SLC1A2: variants seen among roughly 807,000 people sequenced by gnomAD.
SLC1A2 encodes the protein solute carrier family 1 member 2, also known as excitatory amino acid transporter 2.
In SLC1A2, 15 loss-of-function variants were observed where a neutral mutation model predicts 48.8. That is an observed-to-expected ratio of 0.31 (90% CI 0.21 to 0.47). The LOEUF (loss-of-function observed/expected upper bound fraction) is 0.47. Among genes scored for constraint, SLC1A2 ranks in the 20% least tolerant of loss-of-function variants. The pLI, the probability that SLC1A2 is intolerant of heterozygous loss-of-function variation, is 0.99. For synonymous variants in SLC1A2, 279 were observed against 272.6 expected (o/e 1.02, Z -0.23); for missense variants, 502 against 730.5 (o/e 0.69, Z 3.61).
chr11:35,294,591 A>C (rs1404867940), intron 6 of SLC1A2, among the ~76,000 whole-genome samples: 1 of 152,210 alleles, frequency 6.6e-6, no homozygotes, highest in Non-Finnish European at 1.5e-5. Context: ...TTCTTTCCCA[A>C]GCACCAAGCA....
chr11:35,363,012 A>G (rs1223786740), intron 1 of SLC1A2, among the ~76,000 whole-genome samples: 1 of 152,238 alleles, frequency 6.6e-6, no homozygotes, highest in Non-Finnish European at 1.5e-5. Flanking sequence ...ATTGGGGACA[A>G]GAAGAAGGCA....
rs1310805770 is a variant in SLC1A2, at chr11:35,419,086, C to T, written c.-120G>A. ...GCGGTATTTAAGAGGAGCCTCTGCC[C>T]GCCCTTCCACCCGCCTCCGGGGTAA... On this transcript the variant is annotated 5_prime_UTR_variant, in exon 1 of 11. Transcript: ENST00000278379. The surrounding 1 kb of genome is among the most constrained non-coding windows in gnomAD (Gnocchi z 5.4). The T allele has an allele frequency of 6.1e-6, 5 of 813,650 alleles. No individual in the cohort carries two copies. Among genetic ancestry groups the T allele is most frequent in the Non-Finnish European group, 9.6e-6 (5 of 523,154 alleles). 50.4% of individuals were successfully genotyped at this position (813,650 alleles called of 1,614,324 possible).
intron 1 of SLC1A2, among the ~76,000 whole-genome samples, chr11:35,351,759 C>G (rs1853262758): frequency 1.3e-5 from 2 of 152,162 alleles, no homozygotes; most frequent in African/African-American, 4.8e-5. Context: ...CCTCAATCTC[C>G]TGAGTAGCTG....
intron 1 of SLC1A2, among the ~76,000 whole-genome samples, chr11:35,361,629 G>T (rs546661806): frequency 6.6e-6 from 1 of 152,228 alleles, no homozygotes; most frequent in South Asian, 2.1e-4. Flanking sequence ...AGAACACAGA[G>T]GACTCTGAGT....
chr11:35,283,375 G>C lies in SLC1A2; in HGVS notation c.1287-2374C>G, dbSNP rs535179474. ...CCTCCAAACAAACTGCAGGCATGAA[G>C]TATATACACCCGTGGTGGGTGCCCC... On this transcript the variant is annotated intron_variant, in intron 8 of 10. Transcript: ENST00000278379. Among the ~76,000 whole-genome samples, 13 of 152,344 alleles carry C rather than the reference G, an allele frequency of 8.5e-5. No homozygotes were observed. The Middle Eastern group carries it at 0.01, about 120-fold the overall frequency.
intron 1 of SLC1A2, among the ~76,000 whole-genome samples, chr11:35,356,522 C>T (rs4756221): frequency 0.19 from 29,593 of 152,152 alleles, 3,187 homozygotes; most frequent in Middle Eastern, 0.27. Context: ...GCAATGTGGG[C>T]AAAAATGCGG....
At chr11:35,359,727 T>C (rs545313525) in intron 1 of SLC1A2, among the ~76,000 whole-genome samples, 2 of 152,142 alleles carry the variant, frequency 1.3e-5, no homozygotes, top group Non-Finnish European at 2.9e-5. Context: ...ACCTGTGCAT[T>C]TTATTCAGCA....
intron 1 of SLC1A2, among the ~76,000 whole-genome samples, chr11:35,358,191 T>G (rs965156729): frequency 6.6e-6 from 1 of 152,010 alleles, no homozygotes; most frequent in Non-Finnish European, 1.5e-5. Flanking sequence ...ATATAAAGTA[T>G]GTAACATGAT....
intron 9 of SLC1A2, among the ~76,000 whole-genome samples, chr11:35,277,054 A>G (rs1323039709): frequency 6.6e-6 from 1 of 152,128 alleles, no homozygotes; most frequent in Non-Finnish European, 1.5e-5. Context: ...GGCTGAATTC[A>G]CCCTTTTATA....
chr11:35,372,111 AG>A (rs1168695046), intron 1 of SLC1A2, among the ~76,000 whole-genome samples: 1 of 152,188 alleles, frequency 6.6e-6, no homozygotes, highest in Non-Finnish European at 1.5e-5. Context: ...GTAAACAAAG[AG>A]GTGACTTGGA....
chr11:35,417,396 C>G (rs543997355), intron 1 of SLC1A2, among the ~76,000 whole-genome samples: 1 of 152,312 alleles, frequency 6.6e-6, no homozygotes, highest in South Asian at 2.1e-4. Flanking sequence ...CTAATATCAT[C>G]CATCTTTTTC....
intron 1 of SLC1A2, among the ~76,000 whole-genome samples, chr11:35,339,117 T>G (rs1246431265): frequency 6.6e-6 from 1 of 152,222 alleles, no homozygotes. Flanking sequence ...TTGGGGCAAG[T>G]TATGACAAAG....
At chr11:35,329,086 T>C (rs553141804) in intron 1 of SLC1A2, among the ~76,000 whole-genome samples, 1 of 152,208 alleles carries the variant, frequency 6.6e-6, no homozygotes, top group East Asian at 1.9e-4. Context: ...ATGAACTATC[T>C]ATCCAAAAAA....
chr11:35,346,159 C>T (rs906087643), intron 1 of SLC1A2, among the ~76,000 whole-genome samples: 7 of 152,152 alleles, frequency 4.6e-5, no homozygotes, highest in African/African-American at 1.4e-4. Context: ...CTGCACCCAT[C>T]AACCCATCAT....
chr11:35,356,568 A>G (rs1430647394), intron 1 of SLC1A2, among the ~76,000 whole-genome samples: 1 of 152,218 alleles, frequency 6.6e-6, no homozygotes, highest in African/African-American at 2.4e-5. Context: ...TCAAGAATAT[A>G]ACGTATCTTT....
At chr11:35,293,286 C>T (rs1851068527) in intron 6 of SLC1A2, among the ~76,000 whole-genome samples, 1 of 152,166 alleles carries the variant, frequency 6.6e-6, no homozygotes, top group Non-Finnish European at 1.5e-5. Flanking sequence ...GAAATGAAAA[C>T]AATCTCAGGT....
Position 35,293,248 on chromosome 11 carries a change from A to C in SLC1A2, c.858-728T>G, listed in dbSNP as rs532921686. The stretch of plus-strand genomic sequence containing the variant: ...AAGAAACTGAGGTTAAGAAAAGCTA[A>C]ATAATCAGCCCAAGACCAGGAAACC... On this transcript the variant is annotated intron_variant, in intron 6 of 10. Transcript: ENST00000278379. Among the ~76,000 whole-genome samples, 5 of 152,312 alleles carry C rather than the reference A, an allele frequency of 3.3e-5. No homozygotes were observed. The South Asian group carries it at 1.0e-3, about 32-fold the overall frequency.
At chr11:35,328,286 G>A (rs934257923) in intron 1 of SLC1A2, among the ~76,000 whole-genome samples, 86 of 152,246 alleles carry the variant, frequency 5.6e-4, no homozygotes, top group African/African-American at 2.0e-3. Flanking sequence ...TTCTTCACCG[G>A]GAAGGACTCC....
chr11:35,305,304 C>T (rs970177272), intron 5 of SLC1A2, among the ~76,000 whole-genome samples: 1 of 152,224 alleles, frequency 6.6e-6, no homozygotes, highest in South Asian at 2.1e-4. Flanking sequence ...ACGGAGAGAG[C>T]ACATGGCATG....
Sources: gnomAD v4.1 joint callset for allele counts (sites outside exome capture counted in the v4.1 genomes callset) on GRCh38, gnomAD v4.1.1 for gene constraint, Gnocchi (gnomAD v3.1) non-coding constraint, MANE v1.5 for transcripts, NCBI Gene and HGNC (gene_info 2026-07-23, HGNC 2026-07-21) for gene names.